Variants in KIAA1671 observed in about 807,000 individuals in gnomAD.
KIAA1671 encodes the protein uncharacterized protein KIAA1671.
In KIAA1671, 52 loss-of-function variants were observed where a neutral mutation model predicts 131.2. The ratio of observed to expected loss-of-function variants is 0.40; its 90% CI spans 0.32 to 0.50. The LOEUF (loss-of-function observed/expected upper bound fraction) is 0.50, where lower values mean the gene tolerates loss of function less well. Among genes scored for constraint, KIAA1671 ranks in the 20% least tolerant of loss-of-function variants. The probability of loss-of-function intolerance (pLI) is 0.73; values close to 1 mark genes in which losing one functional copy is unlikely to be tolerated. For synonymous variants in KIAA1671, 1,003 were observed against 961.6 expected (o/e 1.04, Z -0.80); for missense variants, 2,360 against 2,364.2 (o/e 1.00, Z 0.04).
chr22:25,053,053 T>C (rs1210066695), intron 6 of KIAA1671: 3 of 152,344 alleles, frequency 2.0e-5, no homozygotes, highest in African/African-American at 7.2e-5. Flanking sequence ...CAGGTTTTTT[T>C]TCTATGCTCT....
chr22:25,058,379 A>T (rs1327525967), intron 6 of KIAA1671: 1 of 152,168 alleles, frequency 6.6e-6, no homozygotes, highest in Non-Finnish European at 1.5e-5. Flanking sequence ...TTCATAGTTT[A>T]TTCCGATTTT....
intron 6 of KIAA1671, among the ~76,000 whole-genome samples, chr22:25,101,653 ATTTTT>A: frequency 6.6e-6 from 1 of 151,414 alleles, no homozygotes; most frequent in East Asian, 1.9e-4. Flanking sequence ...AGTCATTTCT[ATTTTT>A]TTTTCTTTTA....
At chr22:25,087,738 G>A (rs1302899560) in intron 6 of KIAA1671, among the ~76,000 whole-genome samples, 3 of 152,336 alleles carry the variant, frequency 2.0e-5, no homozygotes, top group South Asian at 2.1e-4. Context: ...TTGAGTCAAC[G>A]TGGTCCATTC....
chr22:25,094,025 C>G (rs559719470), intron 6 of KIAA1671, among the ~76,000 whole-genome samples: 67 of 152,068 alleles, frequency 4.4e-4, no homozygotes, highest in African/African-American at 1.5e-3. Context: ...ATGGGGCCAC[C>G]CTGAGGACTG....
At position 25,028,663 on chromosome 22, in the gene KIAA1671, A is replaced by G. The variant is rs1926099576; in HGVS notation, c.664A>G (p.Ser222Gly). Reference sequence around the variant, plus strand: ...CCAAGACCATCCTCCCTCAAAGGCCAGCAGTGTGGAGGACACGGCACGCCC... The same window carrying G: ...CCAAGACCATCCTCCCTCAAAGGCCGGCAGTGTGGAGGACACGGCACGCCC... ...AGQDHPPSKA[S>G]SVEDTARPLV... Residue 222 changes from serine to glycine, a missense_variant, in exon 3 of 13, where the codon AGC (serine) becomes GGC (glycine). By Grantham distance (56) the Ser-to-Gly change is moderately conservative. This residue lies in a region of KIAA1671 where 1,185 missense variants were observed against 1,126.2 expected (regional missense o/e 1.05). Transcript: ENST00000358431. The G allele has an allele frequency of 6.4e-7, 1 of 1,550,826 alleles. No individual in the cohort carries two copies. Among genetic ancestry groups the G allele is most frequent in the Non-Finnish European group, 8.7e-7 (1 of 1,146,906 alleles).
At position 25,028,961 on chromosome 22, in the gene KIAA1671, C is replaced by T; in HGVS notation, c.962C>T (p.Ala321Val). Residue 321 changes from alanine to valine, a missense_variant, in exon 3 of 13, where the codon GCA (alanine) becomes GTA (valine). Ala to Val is a moderately conservative substitution (Grantham distance 64). Around this residue, in one of 3 missense-constraint regions of KIAA1671, gnomAD observed 1,185 missense variants for 1,126.2 expected, o/e 1.05. Transcript: ENST00000358431. ...ATGGCTGGGCTAGAGAGGCCCAGAG[C>T]AGCGTCCAAGCTGGACAGGGACTGT... ...GDMAGLERPR[A>V]ASKLDRDCLV... 2.6e-6 allele frequency: 4 copies of T among 1,546,734 alleles called. No individual in the cohort carries two copies. Among genetic ancestry groups the T allele is most frequent in the Non-Finnish European group, 3.5e-6 (4 of 1,144,900 alleles).
chr22:25,030,368 C>G (rs1926216744), intron 3 of KIAA1671, among the ~76,000 whole-genome samples: 2 of 152,114 alleles, frequency 1.3e-5, no homozygotes, highest in South Asian at 4.1e-4. Context: ...AACTCTGTCT[C>G]TACTAAAAAT....
intron 11 of KIAA1671, 22 bp from the exon 12 acceptor site, chr22:25,190,680 C>T (rs1445446281): frequency 1.4e-5 from 22 of 1,546,928 alleles, no homozygotes; most frequent in Non-Finnish European, 1.9e-5. Flanking sequence ...CAACTAGTCT[C>T]TTACTGGCTT....
intron 11 of KIAA1671, among the ~76,000 whole-genome samples, chr22:25,189,506 A>G (rs1387640434): frequency 6.6e-6 from 1 of 152,154 alleles, no homozygotes; most frequent in Non-Finnish European, 1.5e-5. Flanking sequence ...CCTTCAACTG[A>G]GTAGATGAGG....
chr22:24,995,114 G>A (rs1045310720), intron 1 of KIAA1671, among the ~76,000 whole-genome samples: 17 of 144,786 alleles, frequency 1.2e-4, no homozygotes, highest in Non-Finnish European at 2.6e-4. Context: ...GCAGTGGCGC[G>A]ATCTCAGCTC....
chr22:25,149,351 G>A (rs561197696), intron 6 of KIAA1671, among the ~76,000 whole-genome samples: 15 of 152,274 alleles, frequency 9.9e-5, no homozygotes, highest in Admixed American at 3.9e-4. Context: ...GCCCCTCAGG[G>A]GACTGAGACC....
At chr22:25,191,087 C>T (rs533088756) in intron 12 of KIAA1671, among the ~76,000 whole-genome samples, 2 of 151,952 alleles carry the variant, frequency 1.3e-5, no homozygotes, top group African/African-American at 2.4e-5. Flanking sequence ...CATCACAGTC[C>T]CCTCTGATAA....
intron 5 of KIAA1671, among the ~76,000 whole-genome samples, chr22:25,041,787 C>T (rs2076121): frequency 0.16 from 25,041 of 152,164 alleles, 3,877 homozygotes; most frequent in African/African-American, 0.41. Flanking sequence ...CTTAGTTGCC[C>T]AGGCTGGAGT....
intron 3 of KIAA1671, among the ~76,000 whole-genome samples, chr22:25,031,757 C>T (rs1926308634): frequency 6.6e-6 from 1 of 152,188 alleles, no homozygotes; most frequent in South Asian, 2.1e-4. Flanking sequence ...CTCACTATGT[C>T]ATGGAAGAGC....
chr22:25,043,321 TGAGTGTTGGGCA>T (rs1602093203), intron 5 of KIAA1671, among the ~76,000 whole-genome samples: 1 of 152,152 alleles, frequency 6.6e-6, no homozygotes, highest in Admixed American at 6.5e-5. Flanking sequence ...GGCATATACC[TGAGTGTTGGGCA>T]GAGTGCTGAC....
intron 6 of KIAA1671, among the ~76,000 whole-genome samples, chr22:25,117,378 C>T (rs986171904): frequency 6.6e-6 from 1 of 152,166 alleles, no homozygotes; most frequent in South Asian, 2.1e-4. Context: ...GACTGGGGAT[C>T]CATGAAGTGG....
At chr22:25,156,933 G>A (rs992549236) in intron 6 of KIAA1671, among the ~76,000 whole-genome samples, 11 of 152,182 alleles carry the variant, frequency 7.2e-5, no homozygotes, top group East Asian at 3.9e-4. Context: ...AGGTTTACAC[G>A]TACGCTGCAA....
intron 6 of KIAA1671, among the ~76,000 whole-genome samples, chr22:25,115,904 G>A (rs1411243543): frequency 6.6e-6 from 1 of 152,056 alleles, no homozygotes; most frequent in South Asian, 2.1e-4. Context: ...AGCCTCCCCA[G>A]TAGCTGGGAT....
At chr22:24,958,872 C>T (rs5996797) in intron 1 of KIAA1671, among the ~76,000 whole-genome samples, 3,428 of 150,730 alleles carry the variant, frequency 0.023, 142 homozygotes, top group African/African-American at 0.079. Context: ...ATCCCAGCTA[C>T]TTGGGAGGCT....
Sources: gnomAD v4.1 joint callset for allele counts (sites outside exome capture counted in the v4.1 genomes callset) on GRCh38, gnomAD v4.1.1 for gene constraint, gnomAD v4.1.1 regional missense constraint, MANE v1.5 for transcripts, NCBI Gene and HGNC (gene_info 2026-07-23, HGNC 2026-07-21) for gene names.